The following COPB2 variants were observed in gnomAD, a reference collection of about 807,000 sequenced individuals.
The protein encoded by COPB2 is coat protein complex I subunit beta 2, also known as coatomer subunit beta'.
In COPB2, 16 loss-of-function variants were observed where a neutral mutation model predicts 120.8. That is an observed-to-expected ratio of 0.13 (90% confidence interval 0.09 to 0.20). The LOEUF (loss-of-function observed/expected upper bound fraction) is 0.20, where lower values mean the gene tolerates loss of function less well. COPB2 is among the 10% of genes least tolerant of loss of function. The probability of loss-of-function intolerance (pLI) is 1.00; values close to 1 mark genes in which losing one functional copy is unlikely to be tolerated. For missense variants in COPB2, 794 were observed against 1,076.5 expected (o/e 0.74, Z 3.67); for synonymous variants, 332 against 366.3 (o/e 0.91, Z 1.07).
intron 15 of COPB2, among the ~76,000 whole-genome samples, chr3:139,363,864 G>A (rs765599095): frequency 2.0e-5 from 3 of 152,102 alleles, no homozygotes; most frequent in African/African-American, 7.2e-5. Context: ...CTAAATAACC[G>A]GAGTTACTTT....
chr3:139,381,987 C>A (rs924599626), intron 2 of COPB2: 4 of 151,534 alleles, frequency 2.6e-5, no homozygotes, highest in African/African-American at 9.7e-5. Context: ...AAATACTGAA[C>A]TAGTGATAAG....
At chr3:139,369,043 C>T (rs957315501) in intron 12 of COPB2, among the ~76,000 whole-genome samples, 1 of 152,150 alleles carries the variant, frequency 6.6e-6, no homozygotes, top group South Asian at 2.1e-4. Context: ...TCCAATTGCT[C>T]AGAAAATCAG....
chr3:139,358,911 A>T, intron 19 of COPB2, 87 bp downstream of exon 19: 5 of 1,566,014 alleles, frequency 3.2e-6, no homozygotes, highest in Non-Finnish European at 4.4e-6. Flanking sequence ...TAATTTTAAA[A>T]GAAGACAGCA....
At chr3:139,377,172 G>A (rs928515901) in intron 5 of COPB2, among the ~76,000 whole-genome samples, 5 of 152,218 alleles carry the variant, frequency 3.3e-5, no homozygotes, top group Non-Finnish European at 4.4e-5. Flanking sequence ...GGGAAAGGGA[G>A]TGACACAGTT....
chr3:139,362,448 C>T lies in COPB2; in HGVS notation c.1954G>A (p.Gly652Arg). Reference protein sequence around the residue: ...EHRFELALQLGELKIAYQLAV... With the variant: ...EHRFELALQLRELKIAYQLAV... ...AACTGGTATGCAATTTTTAACTCTCCAAGCTGAAGAGCAAGCTCAAAACGA... is the reference window on the plus strand; with the variant it reads ...AACTGGTATGCAATTTTTAACTCTCTAAGCTGAAGAGCAAGCTCAAAACGA... Residue 652 changes from glycine (G) to arginine (R), a missense_variant, in exon 16 of 22, where the codon GGA (glycine) becomes AGA (arginine). Physicochemically the swap from Gly to Arg is moderately radical, Grantham distance 125. Around this residue, in one of 3 missense-constraint regions of COPB2, gnomAD observed 610 missense variants for 866.7 expected, o/e 0.70. Coordinates refer to ENST00000333188, the MANE Select transcript of COPB2 (RefSeq NM_004766.3). 3.7e-6 allele frequency: 6 copies of T among 1,612,176 alleles called. No homozygotes were observed. The highest frequency in any genetic ancestry group is 5.1e-6 in the Non-Finnish European group (6 of 1,179,088).
intron 1 of COPB2, among the ~76,000 whole-genome samples, chr3:139,387,291 A>C (rs543782482): frequency 1.6e-4 from 24 of 152,276 alleles, no homozygotes; most frequent in South Asian, 8.3e-4. Context: ...AAAGAAAGAA[A>C]GAACGAACAG....
chr3:139,359,792 TAATTTC>T (rs1242525920), intron 17 of COPB2, among the ~76,000 whole-genome samples: 1 of 143,454 alleles, frequency 7.0e-6, no homozygotes, highest in Non-Finnish European at 1.6e-5. Flanking sequence ...TCTTCTATTT[TAATTTC>T]ATTTTTTTTC....
intron 2 of COPB2, 34 bp downstream of exon 2, chr3:139,383,264 T>C: frequency 6.2e-7 from 1 of 1,607,188 alleles, no homozygotes; most frequent in Non-Finnish European, 8.5e-7. Flanking sequence ...TCACATAGTA[T>C]TTTATTTCTA....
intron 16 of COPB2, among the ~76,000 whole-genome samples, chr3:139,361,562 A>C (rs957132882): frequency 2.6e-5 from 4 of 152,238 alleles, no homozygotes. Context: ...ATAATTACAC[A>C]GGGAAAGTAA....
chr3:139,373,884 T>G, intron 7 of COPB2, 76 bp from the exon 8 acceptor site: 1 of 1,551,966 alleles, frequency 6.4e-7, no homozygotes, highest in South Asian at 1.2e-5. Flanking sequence ...AAGAGACCCA[T>G]AGAAGTCTTT....
chr3:139,360,954 TCTGACTGCCCCGTCTA>T, intron 17 of COPB2, 111 bp downstream of exon 17: 5 of 1,005,078 alleles, frequency 5.0e-6, no homozygotes, highest in Non-Finnish European at 6.0e-6. Flanking sequence ...ACTGTCCTGT[TCTGACTGCCCCGTCTA>T]TTCAACACCA....
chr3:139,377,050 G>A (rs745688278), intron 5 of COPB2, among the ~76,000 whole-genome samples: 31 of 148,514 alleles, frequency 2.1e-4, no homozygotes, highest in Non-Finnish European at 3.9e-4. Flanking sequence ...TGCCTGGCAT[G>A]GAAATATTTT....
rs1360059272 is a variant in COPB2, at chr3:139,361,194, C to G, written c.2097G>C (p.Leu699=). The change falls in exon 17 of 22, where the codon CTG becomes CTC. Residue 699 remains leucine, a synonymous_variant. Transcript: ENST00000333188. Reference sequence around the variant, plus strand: ...TTCCAGAGGCAGTGGCCAAAAGCAGCAGGCCCCCATAATCCTGTGCATGAT... The same window carrying G: ...TTCCAGAGGCAGTGGCCAAAAGCAGGAGGCCCCCATAATCCTGTGCATGAT... ...CLHHAQDYGG[L]LLLATASGNA... is the part of the protein sequence containing the mutation. 1.2e-6 allele frequency: 2 copies of G among 1,614,256 alleles called. No homozygotes were observed. The highest frequency in any genetic ancestry group is 1.7e-5 in the Admixed American group (1 of 60,026).
chr3:139,369,570 A>G (rs762637656), intron 10 of COPB2, 26 bp from the exon 11 acceptor site: 5 of 1,360,032 alleles, frequency 3.7e-6, no homozygotes, highest in South Asian at 2.5e-5. Flanking sequence ...GAAGGCAAAC[A>G]TAACATGTTA....
Position 139,369,295 on chromosome 3 carries a change from T to A in COPB2, c.1367A>T (p.Glu456Val), listed in dbSNP as rs1156805151. The change falls in exon 12 of 22, where the codon GAA becomes GTA. Residue 456 changes from glutamate (E) to valine (V), a missense_variant. This residue lies in a region of COPB2 where 610 missense variants were observed against 866.7 expected (regional missense o/e 0.70). Transcript: ENST00000333188. ...CTGAATTTCAATTCTTCGTATGAGT[T>A]CTGTATTGTCCCAGTCATAGAAGGC... Reference protein sequence around the residue: ...GLAFYDWDNTELIRRIEIQPK... With the variant: ...GLAFYDWDNTVLIRRIEIQPK... The A allele has an allele frequency of 5.0e-6, 8 of 1,612,932 alleles. No individual in the cohort carries two copies. The African/African-American group carries it at 6.7e-5, about 13-fold the overall frequency.
intron 15 of COPB2, among the ~76,000 whole-genome samples, chr3:139,362,866 CAAG>C (rs1177797369): frequency 2.0e-5 from 3 of 151,978 alleles, no homozygotes; most frequent in Non-Finnish European, 2.9e-5. Flanking sequence ...GTTGACTAAA[CAAG>C]AATCATTTCA....
In COPB2 at chr3:139,389,447, G is replaced by A. The variant is rs1472698537; in HGVS notation, c.3+101C>T. 1.1e-5 allele frequency: 15 copies of A among 1,380,068 alleles called. No homozygotes were observed. In the African/African-American group the frequency reaches 1.5e-4, roughly 14 times the overall value. 85.5% of individuals were successfully genotyped at this position (1,380,068 alleles called of 1,614,324 possible). ...CAAGGCCTGAGGCGGCGGCCGCAGC[G>A]GGAGCCCAGACCACTGCTTACCGCG... On this transcript the variant is annotated intron_variant, in intron 1 of 21. Transcript: ENST00000333188.
chr3:139,375,389 A>G, intron 6 of COPB2, 79 bp downstream of exon 6: 1 of 1,424,538 alleles, frequency 7.0e-7, no homozygotes, highest in South Asian at 1.6e-5. Flanking sequence ...AGTTTTCAAC[A>G]ACCCAAGTCT....
chr3:139,389,654 T>C, upstream of COPB2: 2 of 1,240,962 alleles, frequency 1.6e-6, no homozygotes, highest in South Asian at 1.6e-5. Context: ...GACGTGGAAC[T>C]TCCGGGAGCC....
Sources: gnomAD v4.1 joint callset for allele counts (sites outside exome capture counted in the v4.1 genomes callset) on GRCh38, gnomAD v4.1.1 for gene constraint, gnomAD v4.1.1 regional missense constraint, MANE v1.5 for transcripts, NCBI Gene and HGNC (gene_info 2026-07-23, HGNC 2026-07-21) for gene names.